HDGFL2: variants seen among roughly 807,000 people sequenced by gnomAD.
HDGFL2 encodes the protein hepatoma-derived growth factor-related protein 2.
HDGFL2 carries 36 observed loss-of-function variants against 77.1 expected under a neutral mutation model. The ratio of observed to expected loss-of-function variants is 0.47; its 90% CI spans 0.36 to 0.62. The LOEUF is 0.62. Among genes scored for constraint, HDGFL2 ranks in the 20% least tolerant of loss-of-function variants. The probability of loss-of-function intolerance (pLI) is 0.00; values close to 1 mark genes in which losing one functional copy is unlikely to be tolerated. For synonymous variants in HDGFL2, 463 were observed against 413.1 expected, an observed-to-expected ratio of 1.12 and a Z score of -1.46; for missense variants, 976 against 973.4, an observed-to-expected ratio of 1.00 and a Z score of -0.04.
intron 1 of HDGFL2, among the ~76,000 whole-genome samples, chr19:4,473,082 A>G (rs1315331542): frequency 2.1e-5 from 3 of 140,044 alleles, no homozygotes; most frequent in African/African-American, 8.2e-5. Context: ...GGGGCCTGAA[A>G]GAGCCGCGCG....
chr19:4,496,848 C>A, intron 10 of HDGFL2: 2 of 396,466 alleles, frequency 5.0e-6, no homozygotes, highest in Non-Finnish European at 9.7e-6. Flanking sequence ...GGTGGGCAGA[C>A]AGAGCCTGTC....
chr19:4,477,900 T>C (rs1245965224), intron 3 of HDGFL2, among the ~76,000 whole-genome samples: 3 of 151,852 alleles, frequency 2.0e-5, no homozygotes, highest in Admixed American at 6.6e-5. Flanking sequence ...GCCAAGATGG[T>C]GAAACCCAGT....
In HDGFL2 at chr19:4,494,410, A is replaced by C; in HGVS notation, c.1159A>C (p.Lys387Gln). Residue 387 changes from lysine to glutamine, a missense_variant, in exon 9 of 16, where the codon AAG becomes CAG. Transcript: ENST00000616600. ...TGAGCCCGTCAAGAAGCGGGGACGC[A>C]AGGGCCGGGGCCGGGGTCCCCCGTC... ...DDEPVKKRGR[K>Q]GRGRGPPSSS... is the part of the protein sequence containing the mutation. 7.1e-7 allele frequency: 1 copy of C among 1,405,056 alleles called. No individual in the cohort carries two copies. The highest frequency in any genetic ancestry group is 9.2e-7 in the Non-Finnish European group (1 of 1,084,280). 87.0% of individuals were successfully genotyped at this position (1,405,056 alleles called of 1,614,324 possible).
chr19:4,492,962 T>C (rs1260098958), intron 6 of HDGFL2, among the ~76,000 whole-genome samples: 2 of 122,124 alleles, frequency 1.6e-5, no homozygotes, highest in Non-Finnish European at 3.5e-5. Flanking sequence ...GCGTGTGAGT[T>C]GTCTGTGGTG....
intron 15 of HDGFL2, chr19:4,501,540 C>T: frequency 1.9e-6 from 1 of 516,876 alleles, no homozygotes; most frequent in Non-Finnish European, 3.3e-6. Flanking sequence ...GCTGCCTGCC[C>T]CTGGCCTCCT....
chr19:4,483,856 C>T (rs1294276139), intron 3 of HDGFL2, among the ~76,000 whole-genome samples: 2 of 135,302 alleles, frequency 1.5e-5, no homozygotes, highest in African/African-American at 2.8e-5. Flanking sequence ...GTGACGCTAT[C>T]TGGGCTCACT....
intron 3 of HDGFL2, among the ~76,000 whole-genome samples, chr19:4,485,737 G>A (rs1231721813): frequency 2.0e-5 from 3 of 148,402 alleles, no homozygotes; most frequent in East Asian, 3.9e-4. Context: ...GCGAGACTCC[G>A]TCTCAAAAAA....
intron 4 of HDGFL2, 60 bp downstream of exon 4, chr19:4,488,936 A>G (rs2145186215): frequency 8.1e-7 from 1 of 1,241,638 alleles, no homozygotes; most frequent in Non-Finnish European, 1.1e-6. Context: ...CTCGCCTGGC[A>G]GCTTGCTCTC....
At chr19:4,483,601 TGGGCCTTA>T (rs1192385446) in intron 3 of HDGFL2, among the ~76,000 whole-genome samples, 2 of 152,000 alleles carry the variant, frequency 1.3e-5, no homozygotes, top group African/African-American at 4.8e-5. Flanking sequence ...GTCACAAACG[TGGGCCTTA>T]CTCTGCCTGT....
rs1192813687 is a variant in HDGFL2, at chr19:4,472,297, A to C, written c.-54A>C. 1.5e-5 allele frequency: 20 copies of C among 1,348,006 alleles called. No homozygotes were observed. In the East Asian group the frequency reaches 2.1e-4, roughly 14 times the overall value. The allele number at this position is 1,348,006 out of a possible 1,614,324, so 83.5% of individuals were successfully genotyped here. Reference sequence around the variant, plus strand: ...CCGCTGCCGCCGCCGCCGCCGCCGCAGCCGCTACCGCCGCTGCAGCCGCTT... The same window carrying C: ...CCGCTGCCGCCGCCGCCGCCGCCGCCGCCGCTACCGCCGCTGCAGCCGCTT... On this transcript the variant is annotated 5_prime_UTR_variant, in exon 1 of 16. Coordinates refer to ENST00000616600, the MANE Select transcript of HDGFL2 (RefSeq NM_001001520.3).
intron 4 of HDGFL2, 22 bp downstream of exon 4, chr19:4,488,898 C>G: frequency 6.5e-7 from 1 of 1,539,564 alleles, no homozygotes; most frequent in Non-Finnish European, 8.8e-7. Flanking sequence ...CCAAGGTGGG[C>G]TGGCCCTTCA....
At chr19:4,493,595 C>T in intron 6 of HDGFL2, 108 bp from the exon 7 acceptor site, 3 of 1,275,496 alleles carry the variant, frequency 2.4e-6, no homozygotes, top group Non-Finnish European at 3.0e-6. Flanking sequence ...GAGCCGAGGC[C>T]CGCAGAGCCT....
chr19:4,472,542 G>T lies in HDGFL2; in HGVS notation c.72+120G>T. Reference sequence around the variant, plus strand: ...TGGGCCTGAAGGAGCTGCGCCCCGGGGGTCTGGGGTTCATGGGGTCTGGGG... The same window carrying T: ...TGGGCCTGAAGGAGCTGCGCCCCGGTGGTCTGGGGTTCATGGGGTCTGGGG... On this transcript the variant is annotated intron_variant, in intron 1 of 15. Coordinates refer to ENST00000616600, the MANE Select transcript of HDGFL2 (RefSeq NM_001001520.3). 4.9e-6 allele frequency: 3 copies of T among 609,004 alleles called. No homozygotes were observed. In the South Asian group the frequency reaches 1.1e-4, roughly 22 times the overall value. 37.7% of individuals were successfully genotyped at this position (609,004 alleles called of 1,614,324 possible). A position where few individuals can be genotyped will look rare whatever the true frequency, so the allele number is the denominator to read the frequency against.
At chr19:4,481,386 T>G (rs1975213131) in intron 3 of HDGFL2, among the ~76,000 whole-genome samples, 1 of 152,096 alleles carries the variant, frequency 6.6e-6, no homozygotes. Context: ...GAGACGGGGT[T>G]TCACCATGTT....
intron 3 of HDGFL2, among the ~76,000 whole-genome samples, chr19:4,476,562 TTTTTC>T (rs899739994): frequency 4.0e-5 from 6 of 151,446 alleles, no homozygotes; most frequent in African/African-American, 1.5e-4. Flanking sequence ...AAAAGACGTT[TTTTTC>T]TTTTGAGAAG....
Position 4,497,968 on chromosome 19 carries a change from G to C in HDGFL2, c.1339G>C (p.Val447Leu). 1 of 1,554,118 alleles carries C rather than the reference G, an allele frequency of 6.4e-7. No homozygotes were observed. The highest frequency in any genetic ancestry group is 8.7e-7 in the Non-Finnish European group (1 of 1,148,408). ...EEKQQAKPVK[V>L]ERTRKRSEGF... The stretch of plus-strand genomic sequence containing the variant: ...AGCACTTCTCCACAGGCCCGTGAAG[G>C]TGGAGCGGACCCGGAAGCGGTCCGA... The change falls in exon 11 of 16, where the codon GTG becomes CTG. Residue 447 changes from valine (V) to leucine (L), a missense_variant. By Grantham distance (32) the Val-to-Leu change is conservative (BLOSUM62 1). Coordinates refer to ENST00000616600, the MANE Select transcript of HDGFL2 (RefSeq NM_001001520.3).
chr19:4,472,469 A>AGGG (rs1974966116), intron 1 of HDGFL2, 47 bp downstream of exon 1: 5 of 456,624 alleles, frequency 1.1e-5, no homozygotes, highest in Admixed American at 7.5e-5. Context: ...GGGGGGGGGC[A>AGGG]GCGGGGGCCC....
At chr19:4,475,891 C>CTTT (rs34722390) in intron 3 of HDGFL2, among the ~76,000 whole-genome samples, 1 of 136,806 alleles carries the variant, frequency 7.3e-6, no homozygotes, top group Non-Finnish European at 1.6e-5. Flanking sequence ...GTCCAAGTTT[C>CTTT]TTTTTTTTTT....
Position 4,475,689 on chromosome 19 carries a change from C to T in HDGFL2, c.288+106C>T, listed in dbSNP as rs1326545682. 7 of 1,358,984 alleles carry T rather than the reference C, an allele frequency of 5.2e-6. No homozygotes were observed. The Admixed American group carries it at 8.6e-5, about 17-fold the overall frequency. The allele number at this position is 1,358,984 out of a possible 1,614,324, so 84.2% of individuals were successfully genotyped here. On this transcript the variant is annotated intron_variant, in intron 3 of 15. Transcript: ENST00000616600. ...GCACTGTGGACACATGGGGCTCGAT[C>T]GTTCCCTGTGGTGGGGCATTCTGGG...
Sources: allele counts gnomAD v4.1 joint callset (sites outside exome capture counted in the v4.1 genomes callset), GRCh38; gene constraint gnomAD v4.1.1; transcripts MANE v1.5; gene names NCBI Gene and HGNC (gene_info 2026-07-23, HGNC 2026-07-21).